The following CNTNAP2 variants were observed in gnomAD, a reference collection of about 807,000 sequenced individuals.
CNTNAP2 encodes the protein contactin-associated protein-like 2.
In CNTNAP2, 98 loss-of-function variants were observed where a neutral mutation model predicts 155.2. That is an observed-to-expected ratio of 0.63 (90% confidence interval 0.54 to 0.75). CNTNAP2 has a LOEUF of 0.75. CNTNAP2 is among the 30% of genes least tolerant of loss of function. The pLI, the probability that CNTNAP2 is intolerant of heterozygous loss-of-function variation, is 0.00. For missense variants in CNTNAP2, 1,727 were observed against 1,688.1 expected (o/e 1.02, Z -0.40); for synonymous variants, 651 against 631.2 (o/e 1.03, Z -0.47).
At chr7:147,732,927 G>T (rs1796769133) in intron 13 of CNTNAP2, among the ~76,000 whole-genome samples, 2 of 152,158 alleles carry the variant, frequency 1.3e-5, no homozygotes, top group Admixed American at 1.3e-4. Flanking sequence ...GTAGATTCTG[G>T]ATATTAACCC....
intron 4 of CNTNAP2, among the ~76,000 whole-genome samples, chr7:147,090,353 T>TGTGTGTGTGTGTGTGTG (rs760274084): frequency 7.5e-6 from 1 of 133,506 alleles, no homozygotes; most frequent in South Asian, 2.2e-4. Context: ...GTGTGTGTGT[T>TGTGTGTGTGTGTGTGTG]ACAATTCTCT....
At chr7:148,322,797 GT>G (rs71899726) in intron 21 of CNTNAP2, among the ~76,000 whole-genome samples, 1,650 of 135,488 alleles carry the variant, frequency 0.012, 13 homozygotes, top group African/African-American at 0.03. Flanking sequence ...GTTTTTTGGG[GT>G]TTTTTTTTTT....
chr7:146,280,799 T>G (rs186563086), intron 1 of CNTNAP2, among the ~76,000 whole-genome samples: 1 of 152,140 alleles, frequency 6.6e-6, no homozygotes, highest in African/African-American at 2.4e-5. Flanking sequence ...ATCCTACCAA[T>G]AGAATCTCAT....
At chr7:147,836,295 A>G (rs1798633485) in intron 13 of CNTNAP2, among the ~76,000 whole-genome samples, 1 of 152,160 alleles carries the variant, frequency 6.6e-6, no homozygotes, top group Non-Finnish European at 1.5e-5. Context: ...ATTTAATATT[A>G]TATAAAAGGC....
intron 1 of CNTNAP2, among the ~76,000 whole-genome samples, chr7:146,145,770 C>T (rs916231352): frequency 2.0e-5 from 3 of 152,080 alleles, no homozygotes; most frequent in Non-Finnish European, 4.4e-5. Context: ...TTGTACCTCG[C>T]GTCTCTAGAA....
chr7:147,558,814 C>G (rs4565386), intron 11 of CNTNAP2, among the ~76,000 whole-genome samples: 36,107 of 151,668 alleles, frequency 0.24, 5,152 homozygotes, highest in Non-Finnish European at 0.32. Flanking sequence ...ACAATCTTAT[C>G]TCACTGCATC....
chr7:146,971,910 C>T (rs1797808979), intron 3 of CNTNAP2, among the ~76,000 whole-genome samples: 1 of 152,144 alleles, frequency 6.6e-6, no homozygotes, highest in Non-Finnish European at 1.5e-5. Flanking sequence ...CTGTTTTAAT[C>T]CTAAGAAATT....
chr7:146,981,746 G>A (rs1268831532), intron 3 of CNTNAP2, among the ~76,000 whole-genome samples: 2 of 152,132 alleles, frequency 1.3e-5, no homozygotes, highest in African/African-American at 2.4e-5. Flanking sequence ...AACTTTGGAG[G>A]AGGAAGGTAT....
chr7:146,531,860 C>A (rs1797775369), intron 1 of CNTNAP2, among the ~76,000 whole-genome samples: 1 of 151,914 alleles, frequency 6.6e-6, no homozygotes, highest in South Asian at 2.1e-4. Context: ...CTTGTTTAAA[C>A]AACATAAACT....
intron 1 of CNTNAP2, among the ~76,000 whole-genome samples, chr7:146,276,190 C>G (rs1800160801): frequency 6.6e-6 from 1 of 152,160 alleles, no homozygotes; most frequent in Non-Finnish European, 1.5e-5. Flanking sequence ...TATATTTACT[C>G]CCTCTGGAAA....
At chr7:146,385,371 G>T (rs1054938436) in intron 1 of CNTNAP2, among the ~76,000 whole-genome samples, 3 of 151,892 alleles carry the variant, frequency 2.0e-5, no homozygotes, top group Admixed American at 6.6e-5. Context: ...GGTTTATCTT[G>T]GTTTTAAAAC....
chr7:148,176,559 C>T (rs1349105521), intron 18 of CNTNAP2, among the ~76,000 whole-genome samples: 1 of 152,160 alleles, frequency 6.6e-6, no homozygotes, highest in Non-Finnish European at 1.5e-5. Flanking sequence ...ATTTGACCAC[C>T]AGTTAAAGTG....
chr7:147,203,825 C>T (rs940784538), intron 8 of CNTNAP2, among the ~76,000 whole-genome samples: 2 of 152,150 alleles, frequency 1.3e-5, no homozygotes, highest in South Asian at 2.1e-4. Flanking sequence ...AAGAGTTTCC[C>T]TGATAAGCTC....
intron 14 of CNTNAP2, among the ~76,000 whole-genome samples, chr7:147,974,607 A>G (rs904676451): frequency 5.9e-5 from 9 of 152,308 alleles, no homozygotes; most frequent in Middle Eastern, 3.4e-3. Context: ...CCTGGGCAAC[A>G]AGAGCAAAAC....
At chr7:147,781,014 C>T (rs1797653944) in intron 13 of CNTNAP2, among the ~76,000 whole-genome samples, 1 of 152,152 alleles carries the variant, frequency 6.6e-6, no homozygotes, top group South Asian at 2.1e-4. Flanking sequence ...AAATTTGGTT[C>T]TTATAGTTCT....
At chr7:147,284,185 A>G (rs1285661385) in intron 8 of CNTNAP2, among the ~76,000 whole-genome samples, 1 of 151,674 alleles carries the variant, frequency 6.6e-6, no homozygotes, top group Non-Finnish European at 1.5e-5. Flanking sequence ...CCAAATCAAT[A>G]CATCATCATT....
intron 14 of CNTNAP2, among the ~76,000 whole-genome samples, chr7:147,961,533 A>G (rs572275312): frequency 2.0e-4 from 31 of 152,316 alleles, no homozygotes; most frequent in Admixed American, 4.6e-4. Flanking sequence ...AGGGCATGGT[A>G]TTTAGGAATG....
At chr7:146,160,585 T>G (rs1262296658) in intron 1 of CNTNAP2, among the ~76,000 whole-genome samples, 2 of 152,122 alleles carry the variant, frequency 1.3e-5, no homozygotes, top group Non-Finnish European at 2.9e-5. Context: ...TCCACGCAAA[T>G]AAACTAGAAT....
chr7:147,644,684 C>A (rs10269238), intron 13 of CNTNAP2, among the ~76,000 whole-genome samples: 8,469 of 152,168 alleles, frequency 0.056, 654 homozygotes, highest in Admixed American at 0.16. Context: ...AGGGAGTTCC[C>A]TTAGAGCCTA....
Sources: allele counts gnomAD v4.1 joint callset (sites outside exome capture counted in the v4.1 genomes callset), GRCh38; gene constraint gnomAD v4.1.1; transcripts MANE v1.5; gene names NCBI Gene and HGNC (gene_info 2026-07-23, HGNC 2026-07-21).